SPATA31A6: variants seen among roughly 807,000 people sequenced by gnomAD.
SPATA31A6 encodes spermatogenesis-associated protein 31A6.
Under a neutral mutation model 11.9 loss-of-function variants are expected in SPATA31A6, and 9 were observed. That is an observed-to-expected ratio of 0.76 (90% CI 0.46 to 1.32). The LOEUF is 1.32. Among genes scored for constraint, SPATA31A6 ranks in the 40% most tolerant of loss-of-function variants. The probability of loss-of-function intolerance (pLI) is 0.00; values close to 1 mark genes in which losing one functional copy is unlikely to be tolerated. For missense variants in SPATA31A6, 855 were observed against 1,467.3 expected (o/e 0.58, Z 6.82); for synonymous variants, 314 against 572.1 (o/e 0.55, Z 6.44).
At position 42,189,211 on chromosome 9, in the gene SPATA31A6, T is replaced by C. The variant is rs560597848; in HGVS notation, c.3509T>C (p.Ile1170Thr). 9 of 1,542,434 alleles carry C rather than the reference T, an allele frequency of 5.8e-6. 1 individual carries two copies. The East Asian group carries it at 1.2e-4, about 20-fold the overall frequency. Residue 1170 changes from isoleucine to threonine, a missense_variant, in exon 4 of 4, where the codon ATT becomes ACT. By Grantham distance (89) the Ile-to-Thr change is moderately conservative (BLOSUM62 -1). Coordinates refer to ENST00000332857, the MANE Select transcript of SPATA31A6 (RefSeq NM_001145196.1). ...AACATCAAGCAATTTTTTCAGTGGA[T>C]TTTTTCAAAGAAAAAAAGCAAGCCA... ...GENIKQFFQW[I>T]FSKKKSKPAP...
In SPATA31A6 at chr9:42,189,804, T is replaced by C. The variant is rs1829542901; in HGVS notation, c.*70T>C. The C allele has an allele frequency of 1.3e-5, 16 of 1,236,974 alleles. 1 individual carries two copies. The highest frequency in any genetic ancestry group is 1.7e-5 in the Non-Finnish European group (16 of 930,428). 76.6% of individuals were successfully genotyped at this position (1,236,974 alleles called of 1,614,324 possible). On this transcript the variant is annotated 3_prime_UTR_variant, in exon 4 of 4. Transcript: ENST00000332857. Reference sequence around the variant, plus strand: ...CAAGTCCCCAAGAAAAAATTCACTCTATGTAGAGAAAAAATATTTTCTCTC... The same window carrying C: ...CAAGTCCCCAAGAAAAAATTCACTCCATGTAGAGAAAAAATATTTTCTCTC...
chr9:42,185,666 C>A, intron 2 of SPATA31A6, 29 bp from the exon 3 acceptor site: 2 of 1,482,368 alleles, frequency 1.3e-6, no homozygotes, highest in Non-Finnish European at 1.8e-6. Context: ...CCCTCCCTCA[C>A]TGCCCTAACC....
At position 42,189,228 on chromosome 9, in the gene SPATA31A6, A is replaced by G; in HGVS notation, c.3526A>G (p.Ser1176Gly). ...TCAGTGGATTTTTTCAAAGAAAAAAAGCAAGCCAGCACCAGTCACTGCTGA... is the reference window on the plus strand; with the variant it reads ...TCAGTGGATTTTTTCAAAGAAAAAAGGCAAGCCAGCACCAGTCACTGCTGA... ...FFQWIFSKKK[S>G]KPAPVTAESQ... Residue 1176 changes from serine (S) to glycine (G), a missense_variant, in exon 4 of 4, where the codon AGC becomes GGC. Ser to Gly is a moderately conservative substitution (Grantham distance 56). Coordinates refer to ENST00000332857, the MANE Select transcript of SPATA31A6 (RefSeq NM_001145196.1). 1.3e-6 allele frequency: 2 copies of G among 1,546,108 alleles called. No homozygotes were observed. Among genetic ancestry groups the G allele is most frequent in the Non-Finnish European group, 1.8e-6 (2 of 1,139,570 alleles).
chr9:42,183,836 A>T lies in SPATA31A6; in HGVS notation c.149A>T (p.His50Leu). The change falls in exon 1 of 4, where the codon CAT becomes CTT. Residue 50 changes from histidine to leucine, a missense_variant. Coordinates refer to ENST00000332857, the MANE Select transcript of SPATA31A6 (RefSeq NM_001145196.1). ...TTACTCCCCTACTTATCTTACTTCC[A>T]TTGTGATGACCCACCCTCACCATCG... ...FLLLPYLSYF[H>L]CDDPPSPSPG... The T allele has an allele frequency of 6.5e-7, 1 of 1,530,340 alleles. No homozygotes were observed. The highest frequency in any genetic ancestry group is 8.8e-7 in the Non-Finnish European group (1 of 1,136,830). The allele number at this position is 1,530,340 out of a possible 1,614,324, so 94.8% of individuals were successfully genotyped here.
At position 42,183,691 on chromosome 9, in the gene SPATA31A6, G is replaced by A; in HGVS notation, c.4G>A (p.Glu2Lys). The change falls in exon 1 of 4, where the codon GAG (glutamate) becomes AAG (lysine). Residue 2 changes from glutamate to lysine, a missense_variant. Coordinates refer to ENST00000332857, the MANE Select transcript of SPATA31A6 (RefSeq NM_001145196.1). M[E>K]NLPFPLKLLS... ...TGAAAGCAACGTGCCTATTCACATG[G>A]AGAATCTTCCCTTTCCTTTAAAATT... 1 of 1,533,586 alleles carries A rather than the reference G, an allele frequency of 6.5e-7. No homozygotes were observed. Among genetic ancestry groups the A allele is most frequent in the Non-Finnish European group, 8.8e-7 (1 of 1,137,660 alleles). 95.0% of individuals were successfully genotyped at this position (1,533,586 alleles called of 1,614,324 possible).
Position 42,183,851 on chromosome 9 carries a change from C to T in SPATA31A6, c.164C>T (p.Pro55Leu). The change falls in exon 1 of 4, where the codon CCC (proline) becomes CTC (leucine). Residue 55 changes from proline (P) to leucine (L), a missense_variant. Transcript: ENST00000332857. ...YLSYFHCDDP[P>L]SPSPGKRKCP... ...TCTTACTTCCATTGTGATGACCCAC[C>T]CTCACCATCGCCTGGGAAGAGAAAG... 2 of 1,532,458 alleles carry T rather than the reference C, an allele frequency of 1.3e-6. No homozygotes were observed. The highest frequency in any genetic ancestry group is 1.8e-6 in the Non-Finnish European group (2 of 1,137,778). The allele number at this position is 1,532,458 out of a possible 1,614,324, so 94.9% of individuals were successfully genotyped here.
rs745640336 is a variant in SPATA31A6, at chr9:42,186,715, T to G, written c.1013T>G (p.Val338Gly). ...ATACAAGTCACAGAAACAGCCAAGGTCAACATTTGGGAAGAAAAAGAAAAT... is the reference window on the plus strand; with the variant it reads ...ATACAAGTCACAGAAACAGCCAAGGGCAACATTTGGGAAGAAAAAGAAAAT... ...VGIQVTETAK[V>G]NIWEEKENVG... Residue 338 changes from valine (V) to glycine (G), a missense_variant, in exon 4 of 4, where the codon GTC (valine) becomes GGC (glycine). Physicochemically the swap from Val to Gly is moderately radical, Grantham distance 109. Transcript: ENST00000332857. The G allele has an allele frequency of 9.8e-6, 15 of 1,530,958 alleles. 3 individuals carry two copies. In the East Asian group the frequency reaches 3.6e-4, roughly 36 times the overall value. 94.8% of individuals were successfully genotyped at this position (1,530,958 alleles called of 1,614,324 possible).
chr9:42,185,528 G>A (rs183681868), intron 2 of SPATA31A6, among the ~76,000 whole-genome samples, 167 bp from the exon 3 acceptor site: 2 of 137,804 alleles, frequency 1.5e-5, no homozygotes, highest in Admixed American at 1.4e-4. Flanking sequence ...AAAAAGCCCT[G>A]TCCTCCATGC....
Position 42,183,683 on chromosome 9 carries a change from T to C in SPATA31A6, c.-5T>C, listed in dbSNP as rs778016627. The C allele has an allele frequency of 4.7e-5, 72 of 1,531,866 alleles. 7 individuals are homozygous for C. In the South Asian group the frequency reaches 8.0e-4, roughly 17 times the overall value. 94.9% of individuals were successfully genotyped at this position (1,531,866 alleles called of 1,614,324 possible). On this transcript the variant is annotated 5_prime_UTR_variant, in exon 1 of 4. Coordinates refer to ENST00000332857, the MANE Select transcript of SPATA31A6 (RefSeq NM_001145196.1). ...CAGTTGCTTGAAAGCAACGTGCCTATTCACATGGAGAATCTTCCCTTTCCT... is the reference window on the plus strand; with the variant it reads ...CAGTTGCTTGAAAGCAACGTGCCTACTCACATGGAGAATCTTCCCTTTCCT...
chr9:42,183,676 G>C lies in SPATA31A6; in HGVS notation c.-12G>C, dbSNP rs199522709. 138 of 1,527,556 alleles carry C rather than the reference G, an allele frequency of 9.0e-5. 4 individuals carry two copies. Among genetic ancestry groups the C allele is most frequent in the Non-Finnish European group, 1.2e-4 (131 of 1,135,262 alleles). The allele number at this position is 1,527,556 out of a possible 1,614,324, so 94.6% of individuals were successfully genotyped here. A position where few individuals can be genotyped will look rare whatever the true frequency, so the allele number is the denominator to read the frequency against. ...CAGAGCTCAGTTGCTTGAAAGCAAC[G>C]TGCCTATTCACATGGAGAATCTTCC... On this transcript the variant is annotated 5_prime_UTR_variant, in exon 1 of 4. Coordinates refer to ENST00000332857, the MANE Select transcript of SPATA31A6 (RefSeq NM_001145196.1).
chr9:42,184,836 C>T (rs10907644), intron 1 of SPATA31A6, among the ~76,000 whole-genome samples: 60,249 of 135,846 alleles, frequency 0.44, 18,074 homozygotes, highest in East Asian at 0.7. Context: ...CCCCCTCTTG[C>T]TGTTTTTCTA....
At position 42,189,425 on chromosome 9, in the gene SPATA31A6, G is replaced by C. The variant is rs1246383484; in HGVS notation, c.3723G>C (p.Gly1241=). 2 of 1,563,126 alleles carry C rather than the reference G, an allele frequency of 1.3e-6. No individual in the cohort carries two copies. The highest frequency in any genetic ancestry group is 4.8e-5 in the East Asian group (2 of 41,480). Residue 1241 remains glycine (G), a synonymous_variant, in exon 4 of 4, where the codon GGG becomes GGC. Transcript: ENST00000332857. ...HKQKFQAPVC[G]FPCNHRHLFY... ...AGAAGTTTCAAGCCCCAGTCTGTGG[G>C]TTTCCCTGCAACCACAGGCACCTCT...
Position 42,186,793 on chromosome 9 carries a change from G to A in SPATA31A6, c.1091G>A (p.Gly364Glu). The stretch of plus-strand genomic sequence containing the variant: ...CCAGAAAAGCACTTAAATTCTTTGG[G>A]GAATTTGGCTAAATCATTGGATGCT... ...MTPEKHLNSL[G>E]NLAKSLDAEQ... Residue 364 changes from glycine (G) to glutamate (E), a missense_variant, in exon 4 of 4, where the codon GGG becomes GAG. Coordinates refer to ENST00000332857, the MANE Select transcript of SPATA31A6 (RefSeq NM_001145196.1). The A allele has an allele frequency of 2.0e-6, 3 of 1,532,546 alleles. 1 individual carries two copies. The South Asian group carries it at 3.4e-5, about 18-fold the overall frequency. The allele number at this position is 1,532,546 out of a possible 1,614,324, so 94.9% of individuals were successfully genotyped here.
intron 1 of SPATA31A6, among the ~76,000 whole-genome samples, chr9:42,184,160 G>A (rs964471026): frequency 7.3e-6 from 1 of 137,742 alleles, no homozygotes; most frequent in African/African-American, 2.9e-5. Context: ...TCATGAGACT[G>A]GGGAGGTCTC....
Position 42,184,954 on chromosome 9 carries a change from G to T in SPATA31A6, c.190-115G>T, listed in dbSNP as rs548899055. ...GCGGTTCCTGAGTGCAGCATGCTGC[G>T]GCTGGGCTGGAGCAGAGAGGGAGAG... On this transcript the variant is annotated intron_variant, in intron 1 of 3. Transcript: ENST00000332857. The T allele has an allele frequency of 7.5e-5, 105 of 1,405,982 alleles. 14 individuals are homozygous for T. Among genetic ancestry groups the T allele is most frequent in the Non-Finnish European group, 9.7e-5 (99 of 1,024,758 alleles). 87.1% of individuals were successfully genotyped at this position (1,405,982 alleles called of 1,614,324 possible). A position where few individuals can be genotyped will look rare whatever the true frequency, so the allele number is the denominator to read the frequency against.
In SPATA31A6 at chr9:42,185,073, C is replaced by T. The variant is rs751313596; in HGVS notation, c.194C>T (p.Pro65Leu). The T allele has an allele frequency of 3.2e-5, 50 of 1,538,904 alleles. 7 individuals carry two copies. The highest frequency in any genetic ancestry group is 2.6e-4 in the Admixed American group (15 of 56,828). The stretch of plus-strand genomic sequence containing the variant: ...GTACGTCATCATGTCTCCCAGTGTC[C>T]AGTAGGGCGGAGGCGGAGGCCCAGA... Reference protein sequence around the residue: ...PSPSPGKRKCPVGRRRRPRGR... With the variant: ...PSPSPGKRKCLVGRRRRPRGR... Residue 65 changes from proline to leucine, a missense_variant, in exon 2 of 4, where the codon CCA becomes CTA. Physicochemically the swap from Pro to Leu is moderately conservative, Grantham distance 98. Transcript: ENST00000332857.
At position 42,183,672 on chromosome 9, in the gene SPATA31A6, C is replaced by A. The variant is rs1269395019; in HGVS notation, c.-16C>A. On this transcript the variant is annotated 5_prime_UTR_variant, in exon 1 of 4. Transcript: ENST00000332857. ...TGCCCAGAGCTCAGTTGCTTGAAAG[C>A]AACGTGCCTATTCACATGGAGAATC... 2.6e-6 allele frequency: 4 copies of A among 1,527,154 alleles called. No individual in the cohort carries two copies. The highest frequency in any genetic ancestry group is 3.5e-6 in the Non-Finnish European group (4 of 1,135,102). 94.6% of individuals were successfully genotyped at this position (1,527,154 alleles called of 1,614,324 possible). A position where few individuals can be genotyped will look rare whatever the true frequency, so the allele number is the denominator to read the frequency against.
rs1249583235 is a variant in SPATA31A6 at position 42,184,465 on chromosome 9, G to A, written c.189+589G>A. On this transcript the variant is annotated intron_variant, in intron 1 of 3. Coordinates refer to ENST00000332857, the MANE Select transcript of SPATA31A6 (RefSeq NM_001145196.1). Reference sequence around the variant, plus strand: ...TGTGTGTGTGTGTGTGTGTGTGTGTGTGTGTGTGTGTGTGTGTTATTTTTA... The same window carrying A: ...TGTGTGTGTGTGTGTGTGTGTGTGTATGTGTGTGTGTGTGTGTTATTTTTA... Among the ~76,000 whole-genome samples the A allele has an allele frequency of 6.0e-5, 8 of 133,220 alleles. 1 individual carries two copies. The highest frequency in any genetic ancestry group is 2.1e-4 in the African/African-American group (7 of 32,684). The allele number at this position is 133,220 out of a possible 152,430, so 87.4% of individuals were successfully genotyped here. A position where few individuals can be genotyped will look rare whatever the true frequency, so the allele number is the denominator to read the frequency against.
rs763772379 is a variant in SPATA31A6, at chr9:42,186,627, A to G, written c.925A>G (p.Thr309Ala). 5 of 1,532,510 alleles carry G rather than the reference A, an allele frequency of 3.3e-6. 1 individual carries two copies. The South Asian group carries it at 5.7e-5, about 18-fold the overall frequency. 94.9% of individuals were successfully genotyped at this position (1,532,510 alleles called of 1,614,324 possible). ...QDPLSRHPPETCQMEAGSLFL... is the reference protein window; with the variant it reads ...QDPLSRHPPEACQMEAGSLFL... ...TCCTCTTTCCCGCCACCCACCAGAGACCTGTCAGATGGAAGCTGGTAGCCT... is the reference window on the plus strand; with the variant it reads ...TCCTCTTTCCCGCCACCCACCAGAGGCCTGTCAGATGGAAGCTGGTAGCCT... Residue 309 changes from threonine (T) to alanine (A), a missense_variant, in exon 4 of 4, where the codon ACC (threonine) becomes GCC (alanine). Coordinates refer to ENST00000332857, the MANE Select transcript of SPATA31A6 (RefSeq NM_001145196.1).
Sources: allele counts gnomAD v4.1 joint callset (sites outside exome capture counted in the v4.1 genomes callset), GRCh38; gene constraint gnomAD v4.1.1; transcripts MANE v1.5; gene names NCBI Gene and HGNC (gene_info 2026-07-23, HGNC 2026-07-21).